COL6A5: variants seen among roughly 807,000 people sequenced by gnomAD.
COL6A5 encodes the protein collagen type VI alpha 5 chain, also known as collagen alpha-5(VI) chain.
In COL6A5, 48 loss-of-function variants were observed where a neutral mutation model predicts 65.6. The ratio of observed to expected loss-of-function variants is 0.73; its 90% CI spans 0.58 to 0.93. COL6A5 has a LOEUF of 0.93. COL6A5 is among the 40% of genes least tolerant of loss of function. COL6A5 has a pLI of 0.00. For synonymous variants in COL6A5, 291 were observed against 322.8 expected (o/e 0.90, Z 1.05); for missense variants, 914 against 928.3 (o/e 0.98, Z 0.20).
At chr3:130,441,076 A>G (rs1180929085) in intron 3 of COL6A5, among the ~76,000 whole-genome samples, 1 of 152,122 alleles carries the variant, frequency 6.6e-6, no homozygotes, top group Non-Finnish European at 1.5e-5. Flanking sequence ...AAAGCCACAG[A>G]GTGACTAGAG....
At chr3:130,395,405 A>C in exon 8 of COL6A5, 1 of 1,547,140 alleles carries the variant, frequency 6.5e-7, no homozygotes, top group Non-Finnish European at 8.7e-7. Flanking sequence ...TGATAAATTA[A>C]AGAATGTGGA....
intron 24 of COL6A5, among the ~76,000 whole-genome samples, chr3:130,418,285 T>C (rs1298821155): frequency 2.6e-5 from 4 of 152,048 alleles, no homozygotes; most frequent in East Asian, 3.9e-4. Flanking sequence ...CTCAGGCCTC[T>C]CACTAATGTC....
At chr3:130,381,790 C>G (rs1559869033) in intron 4 of COL6A5, among the ~76,000 whole-genome samples, 1 of 152,064 alleles carries the variant, frequency 6.6e-6, no homozygotes, top group Non-Finnish European at 1.5e-5. Context: ...CTCAGACCAG[C>G]TTCAATCTAA....
At chr3:130,458,541 C>T (rs2107603469) in intron 5 of COL6A5, among the ~76,000 whole-genome samples, 1 of 152,230 alleles carries the variant, frequency 6.6e-6, no homozygotes, top group African/African-American at 2.4e-5. Flanking sequence ...ACAAGCAGCT[C>T]AGGTGATTCT....
exon 9 of COL6A5, chr3:130,397,638 G>C: frequency 6.4e-7 from 1 of 1,551,510 alleles, no homozygotes; most frequent in Non-Finnish European, 8.7e-7. Context: ...TGCAGGGGCA[G>C]CCTTTGTTCC....
Position 130,348,048 on chromosome 3 carries a change from A to G in COL6A5, c.-29+2067A>G, listed in dbSNP as rs1355583261. Among the ~76,000 whole-genome samples, 4 of 152,126 alleles carry G rather than the reference A, an allele frequency of 2.6e-5. No homozygotes were observed. The East Asian group carries it at 5.8e-4, about 22-fold the overall frequency. ...AAATTCCTCTGGCCTATTCCCTAACATGCACACAACTCACTACCCACAACC... is the reference window on the plus strand; with the variant it reads ...AAATTCCTCTGGCCTATTCCCTAACGTGCACACAACTCACTACCCACAACC... On this transcript the variant is annotated intron_variant and NMD_transcript_variant, in intron 1 of 41. Transcript: ENST00000312481.
chr3:130,430,675 A>G (rs1358180793), upstream of COL6A5, among the ~76,000 whole-genome samples: 1 of 152,172 alleles, frequency 6.6e-6, no homozygotes, highest in Non-Finnish European at 1.5e-5. Context: ...GCTTATTGCA[A>G]ACTTTTCTTG....
At chr3:130,429,663 C>G (rs1303787192), upstream of COL6A5, 123 of 1,259,944 alleles carry the variant, frequency 9.8e-5, no homozygotes, top group East Asian at 3.4e-3. Flanking sequence ...AAGATGCCCT[C>G]AACTCCGTGG....
At chr3:130,349,208 C>G (rs1238691523) in intron 1 of COL6A5, among the ~76,000 whole-genome samples, 2 of 152,124 alleles carry the variant, frequency 1.3e-5, no homozygotes, top group African/African-American at 4.8e-5. Context: ...TGAAATAAGT[C>G]ACTTCGTTAA....
chr3:130,484,086 A>G (rs763204220), exon 8 of COL6A5: 8 of 1,598,526 alleles, frequency 5.0e-6, no homozygotes, highest in Non-Finnish European at 6.8e-6. Context: ...CTCCACTGAC[A>G]TGTATAATCC....
At chr3:130,407,586 T>C (rs963403631) in intron 17 of COL6A5, among the ~76,000 whole-genome samples, 1 of 152,190 alleles carries the variant, frequency 6.6e-6, no homozygotes, top group Non-Finnish European at 1.5e-5. Flanking sequence ...GGGTTTGGAC[T>C]GAAGTGAGGC....
At chr3:130,385,476 G>C in intron 5 of COL6A5, 112 bp downstream of exon 5, 6 of 1,137,958 alleles carry the variant, frequency 5.3e-6, no homozygotes, top group Non-Finnish European at 6.1e-6. Flanking sequence ...ATAACATTTT[G>C]CTAGCTTCCT....
At chr3:130,476,981 C>T (rs1710115427) in intron 7 of COL6A5, 1 of 903,968 alleles carries the variant, frequency 1.1e-6, no homozygotes, top group Admixed American at 2.0e-5. Flanking sequence ...CTTTTTCTTG[C>T]ACTCATGAAA....
At chr3:130,388,559 C>T in intron 5 of COL6A5, 21 bp from the exon 6 acceptor site, 1 of 1,470,290 alleles carries the variant, frequency 6.8e-7, no homozygotes, top group South Asian at 1.4e-5. Flanking sequence ...TATTTCTGGT[C>T]TTTTTTTTTA....
At chr3:130,377,382 T>A (rs1935824952) in intron 3 of COL6A5, among the ~76,000 whole-genome samples, 1 of 152,240 alleles carries the variant, frequency 6.6e-6, no homozygotes, top group Non-Finnish European at 1.5e-5. Context: ...CTATTCTCTT[T>A]CCTTCACCAT....
intron 1 of COL6A5, among the ~76,000 whole-genome samples, chr3:130,437,392 CA>C: frequency 6.6e-6 from 1 of 152,076 alleles, no homozygotes; most frequent in Admixed American, 6.6e-5. Flanking sequence ...CATCTTGATC[CA>C]AACCACCATT....
chr3:130,403,540 A>G (rs764646157), intron 12 of COL6A5, 69 bp from the exon 13 acceptor site: 11 of 1,347,572 alleles, frequency 8.2e-6, no homozygotes, highest in Non-Finnish European at 1.1e-5. Flanking sequence ...TAGAATGCCT[A>G]ATGATTTCAC....
chr3:130,454,650 A>G, intron 4 of COL6A5, among the ~76,000 whole-genome samples: 1 of 152,062 alleles, frequency 6.6e-6, no homozygotes, highest in East Asian at 1.9e-4. Context: ...ATCACAGAGA[A>G]CTCTTAAACT....
intron 3 of COL6A5, 103 bp downstream of exon 3, chr3:130,376,939 G>A (rs1935806716): frequency 2.3e-6 from 3 of 1,314,504 alleles, no homozygotes; most frequent in Admixed American, 2.8e-5. Context: ...GATTAGCCAT[G>A]TTGAAGTATT....
Sources: allele counts gnomAD v4.1 joint callset (sites outside exome capture counted in the v4.1 genomes callset), GRCh38; gene constraint gnomAD v4.1.1; transcripts MANE v1.5; gene names NCBI Gene and HGNC (gene_info 2026-07-23, HGNC 2026-07-21).